TMIGD3: variants seen among roughly 807,000 people sequenced by gnomAD.
TMIGD3 encodes the protein transmembrane and immunoglobulin domain containing 3, also known as AD026 protein (AD026).
In TMIGD3, 21 loss-of-function variants were observed where a neutral mutation model predicts 28.1. That is an observed-to-expected ratio of 0.75 (90% confidence interval 0.53 to 1.08). The LOEUF is 1.08. TMIGD3 is among the 50% of genes least tolerant of loss of function. TMIGD3 has a pLI of 0.00. For synonymous variants in TMIGD3, 151 were observed against 162.1 expected (o/e 0.93, Z 0.52); for missense variants, 416 against 435.6 (o/e 0.96, Z 0.40).
At chr1:111,536,513 C>T (rs1656643890) in intron 1 of TMIGD3, among the ~76,000 whole-genome samples, 1 of 152,122 alleles carries the variant, frequency 6.6e-6, no homozygotes, top group African/African-American at 2.4e-5. Flanking sequence ...ATACTAAGTC[C>T]TATACTCAGG....
chr1:111,499,140 A>C (rs113022696), intron 1 of TMIGD3, among the ~76,000 whole-genome samples: 2,313 of 152,108 alleles, frequency 0.015, 65 homozygotes, highest in African/African-American at 0.052. Context: ...AAAAGGGCTC[A>C]ACAAATAATA....
At chr1:111,487,834 C>T (rs114061016) in intron 3 of TMIGD3, among the ~76,000 whole-genome samples, 14,310 of 152,248 alleles carry the variant, frequency 0.094, 800 homozygotes, top group Middle Eastern at 0.18. Context: ...GACAGGGTCT[C>T]ATTCTGTCAT....
Position 111,485,855 on chromosome 1 carries a change from A to G in TMIGD3, c.873-15T>C. 1.3e-6 allele frequency: 2 copies of G among 1,588,732 alleles called. No homozygotes were observed. Among genetic ancestry groups the G allele is most frequent in the African/African-American group, 1.4e-5 (1 of 73,992 alleles). On this transcript the variant is annotated splice_polypyrimidine_tract_variant and intron_variant, in intron 4 of 5. Coordinates refer to ENST00000369716, the MANE Select transcript of TMIGD3 (RefSeq NM_020683.7). Reference sequence around the variant, plus strand: ...GAATGGACGTCCTAGAAGGAACCACAGCAGATTTCATGTTGCTTGGAAGAA... The same window carrying G: ...GAATGGACGTCCTAGAAGGAACCACGGCAGATTTCATGTTGCTTGGAAGAA...
intron 1 of TMIGD3, among the ~76,000 whole-genome samples, chr1:111,561,211 C>T (rs1657723132): frequency 6.6e-6 from 1 of 152,226 alleles, no homozygotes; most frequent in African/African-American, 2.4e-5. Flanking sequence ...GCATCCTCAA[C>T]CTCCCAGGCT....
At position 111,483,534 on chromosome 1, in the gene TMIGD3, G is replaced by A. The variant is rs1041256713; in HGVS notation, c.*153C>T. On this transcript the variant is annotated 3_prime_UTR_variant, in exon 6 of 6. Transcript: ENST00000369716. The stretch of plus-strand genomic sequence containing the variant: ...TATCATAGCTCCTCTGACTACCGCC[G>A]TTGCTACCTGGCTGCAAATGATTGT... 61 of 705,000 alleles carry A rather than the reference G, an allele frequency of 8.7e-5. No individual in the cohort carries two copies. The highest frequency in any genetic ancestry group is 3.3e-4 in the East Asian group (12 of 35,860). The allele number at this position is 705,000 out of a possible 1,614,324, so 43.7% of individuals were successfully genotyped here.
chr1:111,541,525 G>A (rs1040155623), intron 1 of TMIGD3, among the ~76,000 whole-genome samples: 2 of 152,184 alleles, frequency 1.3e-5, no homozygotes, highest in Non-Finnish European at 2.9e-5. Context: ...AGTTGGAGGT[G>A]TCAATGAAGC....
upstream of TMIGD3, chr1:111,504,906 C>T: frequency 1.0e-6 from 1 of 985,298 alleles, no homozygotes; most frequent in Non-Finnish European, 1.2e-6. Flanking sequence ...TGAGCAGACT[C>T]CCCAGACATT....
At chr1:111,520,673 C>A (rs1202884806) in intron 1 of TMIGD3, among the ~76,000 whole-genome samples, 1 of 152,120 alleles carries the variant, frequency 6.6e-6, no homozygotes, top group Non-Finnish European at 1.5e-5. Context: ...ATTCAGGAAT[C>A]CTGAAATCAA....
chr1:111,552,693 A>T (rs918760601), intron 1 of TMIGD3, among the ~76,000 whole-genome samples: 1 of 152,156 alleles, frequency 6.6e-6, no homozygotes, highest in African/African-American at 2.4e-5. Flanking sequence ...ATTTAAAACC[A>T]TCAGTTCTGG....
chr1:111,556,292 T>C lies in TMIGD3; in HGVS notation c.107+7554A>G, dbSNP rs1419581814. On this transcript the variant is annotated intron_variant, in intron 1 of 5. Transcript: ENST00000369717. ...CAGATAACAAGTATTGGTGAGGCTA[T>C]AGAGAAATTGAAATTATTGTGCACT... 3.3e-5 allele frequency among the ~76,000 whole-genome samples: 5 copies of C among 152,202 alleles called. No homozygotes were observed. The East Asian group carries it at 9.6e-4, about 29-fold the overall frequency.
At chr1:111,484,743 T>C (rs1654279021) in intron 5 of TMIGD3, among the ~76,000 whole-genome samples, 1 of 152,226 alleles carries the variant, frequency 6.6e-6, no homozygotes, top group Non-Finnish European at 1.5e-5. Context: ...TGTTTTTCTG[T>C]CTTTTTCTGA....
chr1:111,516,956 G>C (rs577436110), intron 1 of TMIGD3, among the ~76,000 whole-genome samples: 1 of 152,332 alleles, frequency 6.6e-6, no homozygotes, highest in African/African-American at 2.4e-5. Context: ...AGAGCTGTTT[G>C]CTTAGGGGAA....
chr1:111,531,600 G>A (rs1234958207), intron 1 of TMIGD3, among the ~76,000 whole-genome samples: 2 of 152,240 alleles, frequency 1.3e-5, no homozygotes, highest in East Asian at 3.9e-4. Context: ...TCCTCACTGT[G>A]AATCAGATTT....
intron 1 of TMIGD3, among the ~76,000 whole-genome samples, chr1:111,526,792 A>G (rs1009507447): frequency 6.6e-6 from 1 of 152,190 alleles, no homozygotes; most frequent in African/African-American, 2.4e-5. Flanking sequence ...CATACTGAAT[A>G]GTTTCACTGC....
chr1:111,538,625 C>T (rs775097714), intron 1 of TMIGD3, among the ~76,000 whole-genome samples: 28 of 152,184 alleles, frequency 1.8e-4, no homozygotes, highest in Non-Finnish European at 3.7e-4. Context: ...ACCATATTGT[C>T]TACAAAACAA....
At chr1:111,510,180 A>G (rs1318863582) in intron 1 of TMIGD3, among the ~76,000 whole-genome samples, 1 of 152,196 alleles carries the variant, frequency 6.6e-6, no homozygotes, top group Non-Finnish European at 1.5e-5. Context: ...AGGCCCATGG[A>G]GAGCAGCCAA....
At chr1:111,508,332 A>G (rs771055117), upstream of TMIGD3, among the ~76,000 whole-genome samples, 1 of 152,238 alleles carries the variant, frequency 6.6e-6, no homozygotes, top group Non-Finnish European at 1.5e-5. Context: ...GTCAGCTTCA[A>G]GTGTCTGAAA....
At chr1:111,506,516 C>G (rs543458175), upstream of TMIGD3, among the ~76,000 whole-genome samples, 1 of 152,202 alleles carries the variant, frequency 6.6e-6, no homozygotes, top group Admixed American at 6.5e-5. Context: ...TAGGCAGTGG[C>G]GAAGCCAGCA....
chr1:111,519,952 CA>C (rs1656000116), intron 1 of TMIGD3, among the ~76,000 whole-genome samples: 1 of 152,122 alleles, frequency 6.6e-6, no homozygotes, highest in Non-Finnish European at 1.5e-5. Context: ...CTCGGCCTCC[CA>C]AAATGCTGGG....
Sources: allele counts gnomAD v4.1 joint callset (sites outside exome capture counted in the v4.1 genomes callset), GRCh38; gene constraint gnomAD v4.1.1; transcripts MANE v1.5; gene names NCBI Gene and HGNC (gene_info 2026-07-23, HGNC 2026-07-21).